The following LRRC1 variants were observed in gnomAD, a reference collection of about 807,000 sequenced individuals.
LRRC1 encodes the protein leucine-rich repeat-containing protein 1.
LRRC1 carries 28 observed loss-of-function variants against 69.9 expected under a neutral mutation model. That is an observed-to-expected ratio of 0.40 (90% confidence interval 0.30 to 0.55). The LOEUF (loss-of-function observed/expected upper bound fraction) is 0.55, where lower values mean the gene tolerates loss of function less well. Among genes scored for constraint, LRRC1 ranks in the 20% least tolerant of loss-of-function variants. LRRC1 has a pLI of 0.47. For missense variants in LRRC1, 498 were observed against 609.0 expected (o/e 0.82, Z 1.92); for synonymous variants, 236 against 240.2 (o/e 0.98, Z 0.16).
chr6:53,868,849 C>T (rs1766791905), intron 2 of LRRC1, among the ~76,000 whole-genome samples: 2 of 152,238 alleles, frequency 1.3e-5, no homozygotes, highest in Non-Finnish European at 2.9e-5. Flanking sequence ...CCTCTCATCA[C>T]TGTGCATCAA....
intron 1 of LRRC1, among the ~76,000 whole-genome samples, chr6:53,828,112 G>T (rs1028571805): frequency 5.6e-5 from 8 of 142,772 alleles, no homozygotes; most frequent in Non-Finnish European, 9.0e-5. Flanking sequence ...CTCTGACCTA[G>T]AAATGGATGT....
rs1187251520 is a variant in LRRC1 at position 53,924,080 on chromosome 6, A to C, written c.*1287A>C. 1 of 152,698 alleles carries C rather than the reference A, an allele frequency of 6.5e-6. No homozygotes were observed. The highest frequency in any genetic ancestry group is 2.4e-5 in the African/African-American group (1 of 41,478). 9.5% of individuals were successfully genotyped at this position (152,698 alleles called of 1,614,324 possible). Reference sequence around the variant, plus strand: ...TGTGTGGTGTCTAGGAAAATCATATATATTTTTTTCTCCAAGAAATAAATT... The same window carrying C: ...TGTGTGGTGTCTAGGAAAATCATATCTATTTTTTTCTCCAAGAAATAAATT... On this transcript the variant is annotated 3_prime_UTR_variant, in exon 14 of 14. Transcript: ENST00000370888.
At chr6:53,869,057 CA>C (rs1766797911) in intron 2 of LRRC1, among the ~76,000 whole-genome samples, 1 of 152,280 alleles carries the variant, frequency 6.6e-6, no homozygotes, top group South Asian at 2.1e-4. Flanking sequence ...GTAGTTTACC[CA>C]GGGGCGCAAA....
chr6:53,864,994 T>C (rs1018846724), intron 2 of LRRC1, among the ~76,000 whole-genome samples: 3 of 152,084 alleles, frequency 2.0e-5, no homozygotes, highest in Non-Finnish European at 2.9e-5. Context: ...AAGGAGGCGA[T>C]TGCGTGTGCA....
intron 1 of LRRC1, among the ~76,000 whole-genome samples, chr6:53,805,030 T>C (rs956564633): frequency 9.2e-5 from 14 of 152,204 alleles, no homozygotes; most frequent in Non-Finnish European, 1.8e-4. Context: ...GTCTTTTTTT[T>C]TTCTTCTTTT....
chr6:53,830,758 C>G (rs1157236499), intron 1 of LRRC1, among the ~76,000 whole-genome samples: 1 of 151,670 alleles, frequency 6.6e-6, no homozygotes, highest in African/African-American at 2.4e-5. Context: ...GAGAGGAACC[C>G]TTATACAATT....
intron 11 of LRRC1, among the ~76,000 whole-genome samples, chr6:53,914,674 G>A (rs892475590): frequency 6.6e-6 from 1 of 152,166 alleles, no homozygotes; most frequent in Non-Finnish European, 1.5e-5. Context: ...CACCCTAAAT[G>A]TCATATGCGC....
At chr6:53,840,500 C>T (rs1765747647) in intron 1 of LRRC1, among the ~76,000 whole-genome samples, 1 of 151,758 alleles carries the variant, frequency 6.6e-6, no homozygotes, top group South Asian at 2.1e-4. Context: ...CATGGTGGGC[C>T]CTCTCAAACC....
chr6:53,796,458 G>A (rs1562019162), intron 1 of LRRC1, among the ~76,000 whole-genome samples: 1 of 152,170 alleles, frequency 6.6e-6, no homozygotes, highest in South Asian at 2.1e-4. Context: ...GATTGGACCT[G>A]TTTTAGGCCT....
chr6:53,807,669 C>CAGGA (rs1764671088), intron 1 of LRRC1, among the ~76,000 whole-genome samples: 1 of 151,868 alleles, frequency 6.6e-6, no homozygotes, highest in South Asian at 2.1e-4. Context: ...TGCTTGAACC[C>CAGGA]GGGAGATGGA....
At chr6:53,804,711 G>T (rs1764589721) in intron 1 of LRRC1, among the ~76,000 whole-genome samples, 1 of 152,096 alleles carries the variant, frequency 6.6e-6, no homozygotes, top group Non-Finnish European at 1.5e-5. Context: ...TGAATTAAAA[G>T]TTCTTGTATT....
At chr6:53,875,802 C>G (rs900287842) in intron 2 of LRRC1, among the ~76,000 whole-genome samples, 1 of 151,974 alleles carries the variant, frequency 6.6e-6, no homozygotes, top group African/African-American at 2.4e-5. Context: ...TGTATGGGTA[C>G]ATAGTGATGC....
At chr6:53,915,618 G>A (rs144207485) in intron 11 of LRRC1, among the ~76,000 whole-genome samples, 56 of 152,240 alleles carry the variant, frequency 3.7e-4, no homozygotes, top group South Asian at 6.2e-4. Flanking sequence ...CTGTGATGCC[G>A]AAAAACTGTT....
At chr6:53,827,060 T>C (rs1284250580) in intron 1 of LRRC1, among the ~76,000 whole-genome samples, 2 of 152,190 alleles carry the variant, frequency 1.3e-5, no homozygotes, top group East Asian at 3.9e-4. Context: ...GAACATTTGT[T>C]AAGCAATCAT....
chr6:53,915,245 A>G lies in LRRC1; in HGVS notation c.1106+1276A>G, dbSNP rs6924049. ...TCATTTTGGTCAGGCACGGGTCACCATTTTTTACTCTTGCTAATGGATTAT... is the reference window on the plus strand; with the variant it reads ...TCATTTTGGTCAGGCACGGGTCACCGTTTTTTACTCTTGCTAATGGATTAT... On this transcript the variant is annotated intron_variant, in intron 11 of 13. Transcript: ENST00000370888. Among the ~76,000 whole-genome samples the G allele has an allele frequency of 6.5e-3, 983 of 152,180 alleles. 11 individuals are homozygous for G. The highest frequency in any genetic ancestry group is 0.023 in the African/African-American group (936 of 41,524).
At chr6:53,916,511 G>GT (rs199545393) in intron 11 of LRRC1, among the ~76,000 whole-genome samples, 1 of 151,784 alleles carries the variant, frequency 6.6e-6, no homozygotes, top group African/African-American at 2.4e-5. Context: ...TTTTGGTGGG[G>GT]TTTTTTTCCT....
At chr6:53,862,510 C>T (rs1047950167) in intron 2 of LRRC1, among the ~76,000 whole-genome samples, 5 of 152,108 alleles carry the variant, frequency 3.3e-5, no homozygotes, top group East Asian at 1.9e-4. Context: ...AAGCCAACTC[C>T]GTGTGGGAGG....
At chr6:53,873,187 T>G (rs1766951368) in intron 2 of LRRC1, among the ~76,000 whole-genome samples, 1 of 152,210 alleles carries the variant, frequency 6.6e-6, no homozygotes, top group Non-Finnish European at 1.5e-5. Flanking sequence ...AAATTTATTC[T>G]TAGGCATTTT....
At chr6:53,849,214 G>A (rs767387736) in intron 2 of LRRC1, among the ~76,000 whole-genome samples, 3 of 152,082 alleles carry the variant, frequency 2.0e-5, no homozygotes, top group East Asian at 1.9e-4. Flanking sequence ...CCTTATCTTC[G>A]TACTCCATCC....
Sources: allele counts gnomAD v4.1 joint callset (sites outside exome capture counted in the v4.1 genomes callset), GRCh38; gene constraint gnomAD v4.1.1; transcripts MANE v1.5; gene names NCBI Gene and HGNC (gene_info 2026-07-23, HGNC 2026-07-21).